Variants in SYN2 observed in about 807,000 individuals in gnomAD.
The protein encoded by SYN2 is synapsin II, also known as synapsin-2.
In SYN2, 19 loss-of-function variants were observed where a neutral mutation model predicts 50.9. The observed-to-expected ratio is 0.37, with a 90% CI of 0.26 to 0.55. The LOEUF is 0.55. SYN2 is among the 20% of genes least tolerant of loss of function. The probability of loss-of-function intolerance (pLI) is 0.81; values close to 1 mark genes in which losing one functional copy is unlikely to be tolerated. For synonymous variants in SYN2, 255 were observed against 224.9 expected, an observed-to-expected ratio of 1.13 and a Z score of -1.20; for missense variants, 587 against 576.4, an observed-to-expected ratio of 1.02 and a Z score of -0.19.
At chr3:12,153,067 G>C (rs975362773) in intron 5 of SYN2, 2 of 239,230 alleles carry the variant, frequency 8.4e-6, no homozygotes, top group Non-Finnish European at 8.5e-6. Context: ...GCCACAGTAT[G>C]TTCTTGTTTT....
At chr3:12,097,249 G>C (rs974899847) in intron 1 of SYN2, among the ~76,000 whole-genome samples, 3 of 152,192 alleles carry the variant, frequency 2.0e-5, no homozygotes, top group African/African-American at 7.2e-5. Context: ...ATTCACAATA[G>C]CAAAGACTTG....
chr3:12,085,479 G>A (rs762808795), intron 1 of SYN2, among the ~76,000 whole-genome samples: 8 of 151,942 alleles, frequency 5.3e-5, no homozygotes, highest in Non-Finnish European at 1.2e-4. Context: ...TAATAGTAAG[G>A]TACTTCAATA....
intron 10 of SYN2, among the ~76,000 whole-genome samples, chr3:12,179,959 A>T (rs1477822694): frequency 6.6e-6 from 1 of 151,976 alleles, no homozygotes; most frequent in Non-Finnish European, 1.5e-5. Flanking sequence ...TTATTTATAT[A>T]TTTTTTTGAG....
intron 3 of SYN2, among the ~76,000 whole-genome samples, chr3:12,143,136 A>T (rs1382379666): frequency 6.6e-6 from 1 of 152,170 alleles, no homozygotes; most frequent in Non-Finnish European, 1.5e-5. Flanking sequence ...GTACCAGGGT[A>T]GGAACTCAGG....
At chr3:12,171,951 C>G (rs370963526) in intron 10 of SYN2, among the ~76,000 whole-genome samples, 1 of 152,156 alleles carries the variant, frequency 6.6e-6, no homozygotes, top group Non-Finnish European at 1.5e-5. Context: ...TAAGAGAAAT[C>G]TACAATGTGT....
In SYN2 at chr3:12,158,758, T is replaced by C. The variant is rs371907275; in HGVS notation, c.775-2788T>C. On this transcript the variant is annotated intron_variant, in intron 5 of 12. Coordinates refer to ENST00000621198, the MANE Select transcript of SYN2 (RefSeq NM_133625.6). ...GTGCGCCGGGGCGCAGCTGCATGCC[T>C]CACCCAGCCCCGGGGGCCGCAGCAA... The C allele has an allele frequency of 3.4e-5, 54 of 1,607,486 alleles. No individual in the cohort carries two copies. The highest frequency in any genetic ancestry group is 1.7e-4 in the Middle Eastern group (1 of 6,050).
chr3:12,098,399 C>T (rs1349668477), intron 1 of SYN2, among the ~76,000 whole-genome samples: 1 of 151,916 alleles, frequency 6.6e-6, no homozygotes, highest in Non-Finnish European at 1.5e-5. Context: ...TATAAAAATA[C>T]TTATATGATA....
At chr3:12,043,329 CT>C (rs1261315524) in intron 1 of SYN2, among the ~76,000 whole-genome samples, 2 of 151,984 alleles carry the variant, frequency 1.3e-5, no homozygotes, top group Admixed American at 6.6e-5. Context: ...TGCCCAGCTG[CT>C]TTTTTTTCCT....
chr3:12,167,297 C>T lies in SYN2; in HGVS notation c.1044C>T (p.Ala348=), dbSNP rs779089128. 7 of 1,612,166 alleles carry T rather than the reference C, an allele frequency of 4.3e-6. No individual in the cohort carries two copies. The highest frequency in any genetic ancestry group is 5.9e-6 in the Non-Finnish European group (7 of 1,179,356). ...NTGSAMLEQI[A]MSDRYKLWVD... ...GCTCTGCGATGCTGGAGCAGATTGCCATGTCAGACAGGTGAGTTGAGAGAA... is the reference window on the plus strand; with the variant it reads ...GCTCTGCGATGCTGGAGCAGATTGCTATGTCAGACAGGTGAGTTGAGAGAA... The change falls in exon 8 of 13, where the codon GCC becomes GCT. Residue 348 remains alanine (A), a synonymous_variant. Coordinates refer to ENST00000621198, the MANE Select transcript of SYN2 (RefSeq NM_133625.6).
intron 1 of SYN2, among the ~76,000 whole-genome samples, chr3:12,052,959 G>GT (rs1170061268): frequency 6.6e-6 from 1 of 151,978 alleles, no homozygotes; most frequent in African/African-American, 2.4e-5. Context: ...TGACCTTTTT[G>GT]TTTTTTGACA....
chr3:12,084,511 A>G (rs548744291), intron 1 of SYN2, among the ~76,000 whole-genome samples: 27 of 152,278 alleles, frequency 1.8e-4, no homozygotes, highest in Admixed American at 1.5e-3. Flanking sequence ...GACTTGGCTT[A>G]TACAAAATGC....
At chr3:12,056,507 A>AC (rs1177956632) in intron 1 of SYN2, among the ~76,000 whole-genome samples, 1 of 152,184 alleles carries the variant, frequency 6.6e-6, no homozygotes, top group East Asian at 1.9e-4. Flanking sequence ...TGTTGTATGA[A>AC]CAAGAGCAAG....
chr3:12,168,691 G>C (rs1697867077), intron 9 of SYN2, among the ~76,000 whole-genome samples: 1 of 152,202 alleles, frequency 6.6e-6, no homozygotes, highest in Non-Finnish European at 1.5e-5. Context: ...CCTCTGGGAA[G>C]ACTGTGGTGA....
chr3:12,161,513 C>G (rs1400120472), intron 5 of SYN2, 33 bp from the exon 6 acceptor site: 1 of 1,613,010 alleles, frequency 6.2e-7, no homozygotes, highest in Non-Finnish European at 8.5e-7. Flanking sequence ...TGGGCACACT[C>G]TGACAGTTTA....
chr3:12,024,149 CTTTTTTT>C (rs35513783), intron 1 of SYN2, among the ~76,000 whole-genome samples: 2 of 68,304 alleles, frequency 2.9e-5, no homozygotes, highest in African/African-American at 6.1e-5. Context: ...TCATTACTTC[CTTTTTTT>C]TTTTTTTTTT....
intron 1 of SYN2, chr3:12,070,752 C>T: frequency 1.3e-6 from 1 of 743,606 alleles, no homozygotes; most frequent in Non-Finnish European, 2.3e-6. Flanking sequence ...AAGCCCTCCC[C>T]CATGCCGTCC....
chr3:12,029,866 TA>T (rs1694344182), intron 1 of SYN2, among the ~76,000 whole-genome samples: 1 of 104,452 alleles, frequency 9.6e-6, no homozygotes. Flanking sequence ...GAATACCCTT[TA>T]TTTCTTTCTC....
chr3:12,143,045 G>A (rs1184569693), intron 3 of SYN2, among the ~76,000 whole-genome samples: 1 of 152,174 alleles, frequency 6.6e-6, no homozygotes, highest in African/African-American at 2.4e-5. Context: ...AGGTAGAGAG[G>A]GTAATGGGGA....
chr3:12,029,842 C>A (rs1694342539), intron 1 of SYN2, among the ~76,000 whole-genome samples: 1 of 99,774 alleles, frequency 1.0e-5, no homozygotes, highest in Non-Finnish European at 1.8e-5. Flanking sequence ...ATTTGACTTC[C>A]TCTTTTCCTA....
Sources: gnomAD v4.1 joint callset for allele counts (sites outside exome capture counted in the v4.1 genomes callset) on GRCh38, gnomAD v4.1.1 for gene constraint, MANE v1.5 for transcripts, NCBI Gene and HGNC (gene_info 2026-07-23, HGNC 2026-07-21) for gene names.